The following RERE variants were observed in gnomAD, a reference collection of about 807,000 sequenced individuals.
The protein encoded by RERE is arginine-glutamic acid dipeptide repeats protein.
Under a neutral mutation model 146.1 loss-of-function variants are expected in RERE, and 40 were observed. That is an observed-to-expected ratio of 0.27 (90% CI 0.21 to 0.36). The LOEUF is 0.36. RERE is among the 10% of genes least tolerant of loss of function. The probability of loss-of-function intolerance (pLI) is 1.00; values close to 1 mark genes in which losing one functional copy is unlikely to be tolerated. For missense variants in RERE, 1,933 were observed against 2,138.7 expected, an observed-to-expected ratio of 0.90 and a Z score of 1.90; for synonymous variants, 1,003 against 866.0, an observed-to-expected ratio of 1.16 and a Z score of -2.78.
intron 4 of RERE, among the ~76,000 whole-genome samples, chr1:8,611,761 G>A (rs1459974812): frequency 6.6e-6 from 1 of 152,192 alleles, no homozygotes; most frequent in Non-Finnish European, 1.5e-5. Context: ...AAATGTGCAC[G>A]TATGTCCCCT....
rs374970396 is a variant in RERE at position 8,358,191 on chromosome 1, C to T, written c.4339+5G>A. 1.1e-5 allele frequency: 18 copies of T among 1,584,714 alleles called. No individual in the cohort carries two copies. Among genetic ancestry groups the T allele is most frequent in the South Asian group, 5.7e-5 (5 of 88,250 alleles). On this transcript the variant is annotated splice_donor_5th_base_variant and intron_variant, in intron 20 of 22. Coordinates refer to ENST00000400908, the MANE Select transcript of RERE (RefSeq NM_001042681.2). ...CTGTCCCACCTGCCACGCTGGGGCA[C>T]GCACCTTGGTGGAGGGGGTCCTGCT...
At chr1:8,496,001 GA>G (rs1167949837) in intron 9 of RERE, among the ~76,000 whole-genome samples, 1 of 151,426 alleles carries the variant, frequency 6.6e-6, no homozygotes, top group Non-Finnish European at 1.5e-5. Flanking sequence ...CATAGAGAGA[GA>G]AAAAAAATAT....
At chr1:8,741,886 ATAACTC>A (rs1372141933) in intron 1 of RERE, among the ~76,000 whole-genome samples, 5 of 152,244 alleles carry the variant, frequency 3.3e-5, no homozygotes, top group African/African-American at 1.2e-4. Flanking sequence ...TTACACATAT[ATAACTC>A]TAAGGATAAG....
Position 8,497,508 on chromosome 1 carries a change from G to A in RERE, c.901C>T (p.Pro301Ser). 1 of 1,614,104 alleles carries A rather than the reference G, an allele frequency of 6.2e-7. No individual in the cohort carries two copies. The highest frequency in any genetic ancestry group is 2.2e-5 in the East Asian group (1 of 44,880). ...GTATCACCATCTGGAGAAGGAAATGGTTGCAGATCTGGAAGTTTGGCCTGT... is the reference window on the plus strand; with the variant it reads ...GTATCACCATCTGGAGAAGGAAATGATTGCAGATCTGGAAGTTTGGCCTGT... ...SHQAKLPDLQPFPSPDGDTVT... is the reference protein window; with the variant it reads ...SHQAKLPDLQSFPSPDGDTVT... Residue 301 changes from proline (P) to serine (S), a missense_variant, in exon 9 of 23, where the codon CCA becomes TCA. Pro to Ser is a moderately conservative substitution (Grantham distance 74, BLOSUM62 -1). Around this residue, in one of 11 missense-constraint regions of RERE, gnomAD observed 260 missense variants for 378.4 expected, o/e 0.69. Coordinates refer to ENST00000400908, the MANE Select transcript of RERE (RefSeq NM_001042681.2).
rs374943663 is a variant in RERE at position 8,619,375 on chromosome 1, G to T, written c.397-4689C>A. On this transcript the variant is annotated intron_variant, in intron 3 of 22. Transcript: ENST00000400908. ...TCCAAGTTTTAATAAAACAGTTAAG[G>T]AACCAAAATGAATCAATATCATTAA... 5.7e-4 allele frequency among the ~76,000 whole-genome samples: 86 copies of T among 152,198 alleles called. 1 individual carries two copies. The South Asian group carries it at 6.2e-3, about 11-fold the overall frequency.
chr1:8,794,192 T>TG (rs1211264094), intron 1 of RERE, among the ~76,000 whole-genome samples: 1 of 150,142 alleles, frequency 6.7e-6, no homozygotes, highest in Non-Finnish European at 1.5e-5. Flanking sequence ...GGTCAGGAGA[T>TG]GGAGAACATC....
intron 1 of RERE, among the ~76,000 whole-genome samples, chr1:8,811,092 C>T (rs1296523879): frequency 6.6e-6 from 1 of 152,232 alleles, no homozygotes; most frequent in Non-Finnish European, 1.5e-5. Context: ...GGCGCAGTGG[C>T]TCACGCCTAG....
chr1:8,561,933 T>C (rs1011073539), intron 4 of RERE, among the ~76,000 whole-genome samples: 4 of 152,334 alleles, frequency 2.6e-5, no homozygotes, highest in Non-Finnish European at 5.9e-5. Context: ...AGCAAAACTG[T>C]CTAAGTTTGA....
At chr1:8,780,604 T>C (rs1188120039) in intron 1 of RERE, among the ~76,000 whole-genome samples, 2 of 152,004 alleles carry the variant, frequency 1.3e-5, no homozygotes, top group African/African-American at 2.4e-5. Context: ...AAAGTACAGG[T>C]GGAGAGGAAG....
At chr1:8,701,325 CA>C (rs1639445559) in intron 1 of RERE, among the ~76,000 whole-genome samples, 2 of 18,664 alleles carry the variant, frequency 1.1e-4, no homozygotes, top group Non-Finnish European at 9.4e-5. Context: ...CACACACACG[CA>C]CACACTCCCT....
At chr1:8,602,758 T>G (rs1056269337) in intron 4 of RERE, among the ~76,000 whole-genome samples, 2 of 152,222 alleles carry the variant, frequency 1.3e-5, no homozygotes, top group African/African-American at 4.8e-5. Context: ...CTCTTGACAG[T>G]ATTAAGTGCT....
intron 3 of RERE, among the ~76,000 whole-genome samples, chr1:8,621,044 T>C (rs925549435): frequency 1.3e-5 from 2 of 151,300 alleles, no homozygotes; most frequent in Non-Finnish European, 3.0e-5. Flanking sequence ...TGTAGGACGG[T>C]GGTGTCCCTA....
chr1:8,391,183 C>G (rs573387656), intron 12 of RERE, among the ~76,000 whole-genome samples: 1 of 152,334 alleles, frequency 6.6e-6, no homozygotes, highest in Admixed American at 6.5e-5. Flanking sequence ...GCACAAAACT[C>G]TAGCAAGGTG....
At chr1:8,683,755 C>G (rs776402393) in intron 1 of RERE, among the ~76,000 whole-genome samples, 10 of 152,134 alleles carry the variant, frequency 6.6e-5, no homozygotes, top group Non-Finnish European at 1.3e-4. Context: ...CCAATCTCAC[C>G]AACATGGCAA....
intron 4 of RERE, among the ~76,000 whole-genome samples, chr1:8,568,361 C>T (rs529853174): frequency 4.6e-5 from 7 of 152,244 alleles, no homozygotes; most frequent in African/African-American, 1.4e-4. Flanking sequence ...TCAGCTTCCC[C>T]GCATCTCCAG....
intron 1 of RERE, among the ~76,000 whole-genome samples, chr1:8,709,721 T>C (rs17032750): frequency 0.012 from 1,860 of 152,308 alleles, 37 homozygotes; most frequent in African/African-American, 0.043. Context: ...AATTATTATA[T>C]AACAAGCCCC....
At chr1:8,667,668 C>A (rs1638608646) in intron 1 of RERE, among the ~76,000 whole-genome samples, 1 of 152,296 alleles carries the variant, frequency 6.6e-6, no homozygotes, top group South Asian at 2.1e-4. Flanking sequence ...CAGAGCAAGA[C>A]TCCGTCTCAA....
At chr1:8,575,614 G>A (rs1225349567) in intron 4 of RERE, among the ~76,000 whole-genome samples, 1 of 143,038 alleles carries the variant, frequency 7.0e-6, no homozygotes, top group Non-Finnish European at 1.5e-5. Context: ...CAGGCTGGTC[G>A]CTAACTGCTG....
At chr1:8,390,586 A>ACAGAG (rs1642851091) in intron 12 of RERE, among the ~76,000 whole-genome samples, 1 of 152,226 alleles carries the variant, frequency 6.6e-6, no homozygotes, top group African/African-American at 2.4e-5. Context: ...AATAGTGAAG[A>ACAGAG]CAGAGCCCCA....
Sources: gnomAD v4.1 joint callset for allele counts (sites outside exome capture counted in the v4.1 genomes callset) on GRCh38, gnomAD v4.1.1 for gene constraint, gnomAD v4.1.1 regional missense constraint, MANE v1.5 for transcripts, NCBI Gene and HGNC (gene_info 2026-07-23, HGNC 2026-07-21) for gene names.